PTPRM: variants seen among roughly 807,000 people sequenced by gnomAD.
The protein encoded by PTPRM is receptor-type tyrosine-protein phosphatase mu.
PTPRM carries 47 observed loss-of-function variants against 186.7 expected under a neutral mutation model. That is an observed-to-expected ratio of 0.25 (90% confidence interval 0.20 to 0.32). PTPRM has a LOEUF of 0.32. PTPRM is among the 10% of genes least tolerant of loss of function. PTPRM has a pLI of 1.00. For synonymous variants in PTPRM, 668 were observed against 674.9 expected, an observed-to-expected ratio of 0.99 and a Z score of 0.16; for missense variants, 1,494 against 1,865.0, an observed-to-expected ratio of 0.80 and a Z score of 3.66.
chr18:8,041,692 CTTAG>C (rs1479903094), intron 7 of PTPRM, among the ~76,000 whole-genome samples: 4 of 152,272 alleles, frequency 2.6e-5, no homozygotes, highest in African/African-American at 7.2e-5. Context: ...AATCGTCAGA[CTTAG>C]TTACTCTTTG....
intron 13 of PTPRM, among the ~76,000 whole-genome samples, chr18:8,126,012 TATATATATATA>T (rs1342481617): frequency 0.047 from 1,168 of 25,096 alleles, 129 homozygotes; most frequent in Admixed American, 0.11. Flanking sequence ...TATATATATA[TATATATATATA>T]TATATTTTAA....
At chr18:7,748,768 C>G (rs2041067775) in intron 1 of PTPRM, among the ~76,000 whole-genome samples, 1 of 152,106 alleles carries the variant, frequency 6.6e-6, no homozygotes, top group Admixed American at 6.5e-5. Flanking sequence ...CTCCTTGCCA[C>G]TTTTAAACAA....
chr18:8,130,276 C>T (rs1047690818), intron 13 of PTPRM, among the ~76,000 whole-genome samples: 1 of 152,062 alleles, frequency 6.6e-6, no homozygotes, highest in Admixed American at 6.6e-5. Context: ...GAGGAGAGGT[C>T]GCTCTCCATG....
chr18:7,995,120 G>A (rs1236460505), intron 7 of PTPRM, among the ~76,000 whole-genome samples: 1 of 151,952 alleles, frequency 6.6e-6, no homozygotes, highest in Non-Finnish European at 1.5e-5. Context: ...AGAACAAAAA[G>A]GAGACATTAC....
intron 19 of PTPRM, among the ~76,000 whole-genome samples, chr18:8,257,185 G>A (rs2094582556): frequency 1.3e-5 from 2 of 152,184 alleles, no homozygotes; most frequent in South Asian, 4.1e-4. Flanking sequence ...AAGATGAGTG[G>A]GAGCTGACCA....
rs749904591 is a variant in PTPRM, at chr18:7,955,341, G to A, written c.1059G>A (p.Val353=). 7.4e-6 allele frequency: 12 copies of A among 1,614,170 alleles called. No homozygotes were observed. The Admixed American group carries it at 2.0e-4, about 27-fold the overall frequency. Residue 353 remains valine, a synonymous_variant, in exon 7 of 33, where the codon GTG becomes GTA. Transcript: ENST00000580170. ...LDPDTEYEIS[V]LLTRPGEGGT... The stretch of plus-strand genomic sequence containing the variant: ...CAGATACAGAATATGAGATTAGTGT[G>A]CTCCTGACCAGGCCAGGGGAGGGTG...
At chr18:8,187,517 C>A (rs917945123) in intron 14 of PTPRM, among the ~76,000 whole-genome samples, 3 of 152,152 alleles carry the variant, frequency 2.0e-5, no homozygotes, top group African/African-American at 7.2e-5. Context: ...AGCGTAGAAA[C>A]CTCTATTGTG....
At chr18:8,025,784 A>T (rs1478209707) in intron 7 of PTPRM, among the ~76,000 whole-genome samples, 1 of 152,146 alleles carries the variant, frequency 6.6e-6, no homozygotes, top group African/African-American at 2.4e-5. Flanking sequence ...AGATGGGAGG[A>T]GTGAGAAGAG....
intron 1 of PTPRM, among the ~76,000 whole-genome samples, chr18:7,679,750 T>C (rs146121329): frequency 3.9e-5 from 6 of 152,308 alleles, no homozygotes; most frequent in African/African-American, 1.4e-4. Context: ...GTCATAGTTT[T>C]ATGGTGGGTT....
intron 1 of PTPRM, among the ~76,000 whole-genome samples, chr18:7,713,661 A>C (rs2040259253): frequency 6.6e-6 from 1 of 151,446 alleles, no homozygotes; most frequent in African/African-American, 2.4e-5. Context: ...GCTCAAAATA[A>C]AGGGATAGAG....
chr18:8,321,405 T>C (rs1299471233), intron 22 of PTPRM, among the ~76,000 whole-genome samples: 1 of 152,116 alleles, frequency 6.6e-6, no homozygotes. Flanking sequence ...TTCCTTCCCT[T>C]TGTCCATTCT....
chr18:8,258,609 G>T (rs1407051036), intron 19 of PTPRM, among the ~76,000 whole-genome samples: 1 of 151,746 alleles, frequency 6.6e-6, no homozygotes, highest in Admixed American at 6.6e-5. Context: ...AAGTCCCTTT[G>T]GGGATCCAAG....
chr18:8,250,636 T>C (rs993572787), intron 17 of PTPRM, among the ~76,000 whole-genome samples: 2 of 151,466 alleles, frequency 1.3e-5, no homozygotes, highest in Non-Finnish European at 2.9e-5. Flanking sequence ...ATAATAATAA[T>C]AAATTAGCCA....
At chr18:8,214,239 A>G (rs1186816598) in intron 14 of PTPRM, among the ~76,000 whole-genome samples, 1 of 152,040 alleles carries the variant, frequency 6.6e-6, no homozygotes, top group Non-Finnish European at 1.5e-5. Context: ...TTGTTCCCCT[A>G]AAGCTATTAT....
At chr18:7,870,588 C>T (rs2047934007) in intron 2 of PTPRM, among the ~76,000 whole-genome samples, 1 of 152,052 alleles carries the variant, frequency 6.6e-6, no homozygotes, top group Admixed American at 6.6e-5. Flanking sequence ...TGAAAGATAC[C>T]TTAACTCTAA....
At chr18:8,389,906 A>G (rs56347185) in intron 31 of PTPRM, among the ~76,000 whole-genome samples, 4,694 of 152,280 alleles carry the variant, frequency 0.031, 93 homozygotes, top group Admixed American at 0.05. Flanking sequence ...TCCTTGAGCC[A>G]CAGATATTCA....
chr18:8,389,105 A>G (rs2095795836), intron 31 of PTPRM, among the ~76,000 whole-genome samples: 1 of 152,238 alleles, frequency 6.6e-6, no homozygotes, highest in Admixed American at 6.5e-5. Context: ...CAATCCCAGC[A>G]AAGAATATTA....
intron 11 of PTPRM, among the ~76,000 whole-genome samples, chr18:8,092,395 ACTTT>A (rs1382395153): frequency 6.6e-6 from 1 of 152,106 alleles, no homozygotes; most frequent in African/African-American, 2.4e-5. Flanking sequence ...GAAAAGTGTA[ACTTT>A]CTTTCATTTA....
chr18:7,994,808 G>T (rs1050407215), intron 7 of PTPRM, among the ~76,000 whole-genome samples: 2 of 151,960 alleles, frequency 1.3e-5, no homozygotes, highest in Non-Finnish European at 2.9e-5. Flanking sequence ...AAAACCTATA[G>T]GATTTCACAA....
Sources: allele counts gnomAD v4.1 joint callset (sites outside exome capture counted in the v4.1 genomes callset), GRCh38; gene constraint gnomAD v4.1.1; transcripts MANE v1.5; gene names NCBI Gene and HGNC (gene_info 2026-07-23, HGNC 2026-07-21).